ESCO1: variants seen among roughly 807,000 people sequenced by gnomAD.
The protein encoded by ESCO1 is establishment of sister chromatid cohesion N-acetyltransferase 1.
ESCO1 carries 33 observed loss-of-function variants against 83.5 expected under a neutral mutation model. The observed-to-expected ratio is 0.40, with a 90% CI of 0.30 to 0.53. The LOEUF (loss-of-function observed/expected upper bound fraction) is 0.53. Ranked by LOEUF, ESCO1 falls within the 20% of genes least tolerant of loss-of-function variation. The pLI is 0.63. For missense variants in ESCO1, 855 were observed against 968.0 expected, an observed-to-expected ratio of 0.88 and a Z score of 1.55; for synonymous variants, 332 against 324.3, an observed-to-expected ratio of 1.02 and a Z score of -0.25.
At chr18:21,533,849 T>C (rs984289468) in intron 10 of ESCO1, among the ~76,000 whole-genome samples, 1 of 152,216 alleles carries the variant, frequency 6.6e-6, no homozygotes, top group African/African-American at 2.4e-5. Flanking sequence ...TTTGTTATTA[T>C]AGCAAGGTTC....
rs2038402901 is a variant in ESCO1, at chr18:21,575,163, G to C, written c.-320C>G. The stretch of plus-strand genomic sequence containing the variant: ...AAGAAATTTAATTCAGGTTCAATCT[G>C]TTTTGTTAATTTTTTAATTAATTTT... On this transcript the variant is annotated 5_prime_UTR_variant, in exon 4 of 12. Transcript: ENST00000269214. 1 of 371,596 alleles carries C rather than the reference G, an allele frequency of 2.7e-6. No individual in the cohort carries two copies. Among genetic ancestry groups the C allele is most frequent in the African/African-American group, 2.1e-5 (1 of 48,044 alleles). The allele number at this position is 371,596 out of a possible 1,614,324, so 23.0% of individuals were successfully genotyped here. A position where few individuals can be genotyped will look rare whatever the true frequency, so the allele number is the denominator to read the frequency against.
At chr18:21,568,306 G>A (rs1464750622) in intron 4 of ESCO1, among the ~76,000 whole-genome samples, 1 of 152,014 alleles carries the variant, frequency 6.6e-6, no homozygotes, top group Non-Finnish European at 1.5e-5. Flanking sequence ...AACAAGCAGG[G>A]TACAGCAGTG....
chr18:21,552,142 T>C (rs1294610118), intron 8 of ESCO1, among the ~76,000 whole-genome samples: 1 of 152,148 alleles, frequency 6.6e-6, no homozygotes, highest in Non-Finnish European at 1.5e-5. Flanking sequence ...AAGTTTGTAT[T>C]GAGAGGGAAA....
chr18:21,595,409 C>T (rs1380614298), intron 1 of ESCO1, among the ~76,000 whole-genome samples: 1 of 150,724 alleles, frequency 6.6e-6, no homozygotes, highest in African/African-American at 2.4e-5. Context: ...GTGGTTCACG[C>T]CTGTAATCCC....
intron 6 of ESCO1, among the ~76,000 whole-genome samples, chr18:21,565,702 C>T (rs1452557452): frequency 6.6e-6 from 1 of 152,026 alleles, no homozygotes; most frequent in Admixed American, 6.6e-5. Context: ...TTTGAGAGGC[C>T]GAGGTGGGAG....
chr18:21,536,369 T>A (rs1358220919), intron 9 of ESCO1, among the ~76,000 whole-genome samples, 184 bp from the exon 10 acceptor site: 1 of 151,966 alleles, frequency 6.6e-6, no homozygotes, highest in African/African-American at 2.4e-5. Context: ...GCGGGTGGAT[T>A]GCCTGAGCTC....
intron 10 of ESCO1, among the ~76,000 whole-genome samples, chr18:21,533,623 C>CA (rs1250937509): frequency 1.3e-5 from 2 of 152,114 alleles, no homozygotes; most frequent in East Asian, 3.8e-4. Context: ...TAAGAGTCAG[C>CA]AAAAACAACC....
At chr18:21,576,134 TAAAG>T (rs528591352) in intron 2 of ESCO1, among the ~76,000 whole-genome samples, 13 of 152,048 alleles carry the variant, frequency 8.5e-5, no homozygotes, top group Non-Finnish European at 1.9e-4. Context: ...GAAATACAGT[TAAAG>T]AAGGAAGATT....
chr18:21,579,793 C>T (rs1450956764), intron 2 of ESCO1, among the ~76,000 whole-genome samples: 3 of 11,464 alleles, frequency 2.6e-4, no homozygotes, highest in Non-Finnish European at 1.6e-3. Flanking sequence ...CACGCGCGCG[C>T]GCACACACAC....
intron 8 of ESCO1, among the ~76,000 whole-genome samples, chr18:21,559,494 C>T (rs1021522600): frequency 6.6e-6 from 1 of 152,070 alleles, no homozygotes; most frequent in Non-Finnish European, 1.5e-5. Flanking sequence ...AAGAATTTTC[C>T]TTAAGGTGAA....
At chr18:21,568,149 A>T in intron 4 of ESCO1, 55 bp from the exon 5 acceptor site, 2 of 1,332,588 alleles carry the variant, frequency 1.5e-6, no homozygotes, top group Non-Finnish European at 2.1e-6. Context: ...ATCTAAATAA[A>T]CTTTCAGTAA....
At chr18:21,569,561 G>A (rs992509346) in intron 4 of ESCO1, among the ~76,000 whole-genome samples, 2 of 152,216 alleles carry the variant, frequency 1.3e-5, no homozygotes, top group African/African-American at 4.8e-5. Context: ...GCCTCACCAA[G>A]ATGGTGAAAC....
chr18:21,545,201 T>C (rs2037957726), intron 8 of ESCO1, among the ~76,000 whole-genome samples: 1 of 152,202 alleles, frequency 6.6e-6, no homozygotes, highest in African/African-American at 2.4e-5. Flanking sequence ...TCCTTAAGAA[T>C]TGGGATTACA....
chr18:21,587,964 C>T (rs907866427), intron 1 of ESCO1, among the ~76,000 whole-genome samples: 2 of 151,804 alleles, frequency 1.3e-5, no homozygotes, highest in East Asian at 1.9e-4. Context: ...TGACACATGC[C>T]GATAGTCCCA....
intron 2 of ESCO1, among the ~76,000 whole-genome samples, chr18:21,576,536 T>C (rs1278889985): frequency 6.6e-6 from 1 of 151,604 alleles, no homozygotes; most frequent in East Asian, 1.9e-4. Flanking sequence ...ACCAAGACAA[T>C]GCCATAAACC....
Position 21,574,193 on chromosome 18 carries a change from A to T in ESCO1, c.651T>A (p.Ser217Arg), listed in dbSNP as rs770279275. ...KVEHQTACAC[S>R]SQCTQGSEKC... ...TTTCAGATCCTTGCGTGCATTGAGA[A>T]CTACAAGCACAAGCTGTCTGATGTT... Residue 217 changes from serine (S) to arginine (R), a missense_variant, in exon 4 of 12, where the codon AGT becomes AGA. Transcript: ENST00000269214. 6.2e-7 allele frequency: 1 copy of T among 1,613,860 alleles called. No homozygotes were observed. The highest frequency in any genetic ancestry group is 8.5e-7 in the Non-Finnish European group (1 of 1,179,992).
At chr18:21,562,702 T>C (rs1188403843) in intron 7 of ESCO1, among the ~76,000 whole-genome samples, 2 of 152,080 alleles carry the variant, frequency 1.3e-5, no homozygotes, top group Non-Finnish European at 2.9e-5. Context: ...CCTAGTACTT[T>C]GGGTGCCTTA....
intron 11 of ESCO1, 120 bp from the exon 12 acceptor site, chr18:21,530,610 A>G (rs1045006352): frequency 2.9e-5 from 25 of 869,994 alleles, no homozygotes; most frequent in Non-Finnish European, 3.8e-5. Flanking sequence ...AGCTTTTTAG[A>G]TACTGCTGTA....
At position 21,575,126 on chromosome 18, in the gene ESCO1, T is replaced by C. The variant is rs1228646242; in HGVS notation, c.-283A>G. 2 of 367,258 alleles carry C rather than the reference T, an allele frequency of 5.4e-6. No homozygotes were observed. The highest frequency in any genetic ancestry group is 4.2e-5 in the African/African-American group (2 of 47,992). The allele number at this position is 367,258 out of a possible 1,614,324, so 22.7% of individuals were successfully genotyped here. A position where few individuals can be genotyped will look rare whatever the true frequency, so the allele number is the denominator to read the frequency against. ...GAAAATTTTGATTATTTTTAATAAGTTTTTTTATCAAAAGAAATTTAATTC... is the reference window on the plus strand; with the variant it reads ...GAAAATTTTGATTATTTTTAATAAGCTTTTTTATCAAAAGAAATTTAATTC... On this transcript the variant is annotated 5_prime_UTR_variant, in exon 4 of 12. Coordinates refer to ENST00000269214, the MANE Select transcript of ESCO1 (RefSeq NM_052911.3).
Sources: allele counts gnomAD v4.1 joint callset (sites outside exome capture counted in the v4.1 genomes callset), GRCh38; gene constraint gnomAD v4.1.1; transcripts MANE v1.5; gene names NCBI Gene and HGNC (gene_info 2026-07-23, HGNC 2026-07-21).